The following ANO10 variants were observed in gnomAD, a reference collection of about 807,000 sequenced individuals.
ANO10 encodes the protein anoctamin-10.
A neutral mutation model predicts 74.7 loss-of-function variants in ANO10; 77 were observed. The observed-to-expected ratio is 1.03, with a 90% CI of 0.86 to 1.25. ANO10 has a LOEUF of 1.25. ANO10 is among the 50% of genes most tolerant of loss of function. ANO10 has a pLI of 0.00. For synonymous variants in ANO10, 279 were observed against 284.9 expected (o/e 0.98, Z 0.21); for missense variants, 721 against 778.1 (o/e 0.93, Z 0.87).
At chr3:43,404,102 AAGGAGATTATCCATAGTGG>A (rs2148876429) in intron 12 of ANO10, among the ~76,000 whole-genome samples, 1 of 152,306 alleles carries the variant, frequency 6.6e-6, no homozygotes, top group African/African-American at 2.4e-5. Flanking sequence ...GTTAACCAAA[AAGGAGATTATCCATAGTGG>A]GCCAGACTTA....
intron 8 of ANO10, among the ~76,000 whole-genome samples, chr3:43,562,424 C>A (rs566839097): frequency 7.8e-6 from 1 of 128,770 alleles, no homozygotes; most frequent in Non-Finnish European, 1.5e-5. Flanking sequence ...TGCACTCCAG[C>A]CTGGGCGGCA....
intron 11 of ANO10, among the ~76,000 whole-genome samples, chr3:43,503,610 T>C (rs1441663050): frequency 6.6e-6 from 1 of 152,238 alleles, no homozygotes; most frequent in Non-Finnish European, 1.5e-5. Context: ...AATATCGTTC[T>C]CTTTGTCCTA....
intron 3 of ANO10, among the ~76,000 whole-genome samples, chr3:43,599,476 T>C (rs1011572554): frequency 1.3e-5 from 2 of 152,214 alleles, no homozygotes; most frequent in African/African-American, 2.4e-5. Flanking sequence ...GAACTACTAC[T>C]GTATTTCTTA....
intron 11 of ANO10, among the ~76,000 whole-genome samples, chr3:43,440,223 G>C (rs1367490555): frequency 6.6e-6 from 1 of 151,914 alleles, no homozygotes; most frequent in African/African-American, 2.4e-5. Flanking sequence ...AGTGTAAATG[G>C]GTTAAACTCC....
chr3:43,401,834 C>T (rs1260587734), intron 12 of ANO10, among the ~76,000 whole-genome samples: 1 of 152,198 alleles, frequency 6.6e-6, no homozygotes, highest in African/African-American at 2.4e-5. Context: ...TTTTTAGATC[C>T]ATGTTTAACT....
intron 11 of ANO10, among the ~76,000 whole-genome samples, chr3:43,476,181 A>C (rs571584038): frequency 3.4e-4 from 52 of 152,148 alleles, no homozygotes; most frequent in Non-Finnish European, 5.7e-4. Context: ...TAGCTTATCT[A>C]CTTTCCCCCT....
chr3:43,664,847 A>G (rs2149574580), intron 1 of ANO10, among the ~76,000 whole-genome samples: 2 of 152,336 alleles, frequency 1.3e-5, no homozygotes, highest in African/African-American at 2.4e-5. Flanking sequence ...CACCCCAGTT[A>G]GAATGGCGAT....
intron 11 of ANO10, among the ~76,000 whole-genome samples, chr3:43,490,137 A>C (rs543484658): frequency 8.9e-4 from 135 of 152,322 alleles, no homozygotes; most frequent in African/African-American, 3.1e-3. Context: ...GCTTACGTAA[A>C]GTCACTCAGC....
At chr3:43,486,133 G>A (rs1307664036) in intron 11 of ANO10, among the ~76,000 whole-genome samples, 1 of 152,172 alleles carries the variant, frequency 6.6e-6, no homozygotes, top group Non-Finnish European at 1.5e-5. Context: ...AGATCTGGGA[G>A]AGATTGAGTC....
chr3:43,489,755 T>G (rs1042146688), intron 11 of ANO10, among the ~76,000 whole-genome samples: 2 of 152,200 alleles, frequency 1.3e-5, no homozygotes, highest in Non-Finnish European at 1.5e-5. Context: ...TTTTCTTTTC[T>G]TTGAGCTAGA....
intron 1 of ANO10, chr3:43,691,173 C>A: frequency 1.2e-6 from 1 of 864,698 alleles, no homozygotes; most frequent in South Asian, 3.1e-5. Context: ...CGACCCTCCC[C>A]GGCATGAGTC....
chr3:43,605,952 C>A, intron 1 of ANO10, 89 bp from the exon 2 acceptor site: 1 of 1,442,832 alleles, frequency 6.9e-7, no homozygotes, highest in East Asian at 2.4e-5. Context: ...CCAATTATAC[C>A]TAATTCTGGC....
chr3:43,467,167 C>T (rs2075662458), intron 11 of ANO10, among the ~76,000 whole-genome samples: 1 of 152,152 alleles, frequency 6.6e-6, no homozygotes, highest in South Asian at 2.1e-4. Flanking sequence ...AATGTTAAAA[C>T]CACTCTATAA....
intron 11 of ANO10, among the ~76,000 whole-genome samples, chr3:43,461,008 GA>G (rs775139320): frequency 1.6e-4 from 24 of 150,596 alleles, no homozygotes; most frequent in Non-Finnish European, 3.4e-4. Context: ...AAAAAAACAG[GA>G]AAAAATGAAG....
At chr3:43,671,712 A>T (rs751386419) in intron 1 of ANO10, among the ~76,000 whole-genome samples, 16 of 152,184 alleles carry the variant, frequency 1.1e-4, no homozygotes, top group Non-Finnish European at 2.4e-4. Context: ...TTAAATGTCT[A>T]GTTTTAGGAG....
At chr3:43,487,575 T>A (rs972412340) in intron 11 of ANO10, among the ~76,000 whole-genome samples, 1 of 152,158 alleles carries the variant, frequency 6.6e-6, no homozygotes, top group Non-Finnish European at 1.5e-5. Flanking sequence ...CTTCTAGATT[T>A]TCTAGTTTAT....
intron 2 of ANO10, among the ~76,000 whole-genome samples, chr3:43,601,027 C>T (rs2082316849): frequency 6.6e-6 from 1 of 152,004 alleles, no homozygotes. Context: ...ATGTTAAATA[C>T]TAAATAACAA....
chr3:43,543,817 T>C (rs943089968), intron 11 of ANO10, among the ~76,000 whole-genome samples: 1 of 152,230 alleles, frequency 6.6e-6, no homozygotes, highest in Non-Finnish European at 1.5e-5. Context: ...ACAGGCAGGC[T>C]TGGTGGTCAC....
chr3:43,470,040 A>G (rs1396793981), intron 11 of ANO10, among the ~76,000 whole-genome samples: 2 of 152,268 alleles, frequency 1.3e-5, no homozygotes, highest in Non-Finnish European at 2.9e-5. Context: ...ATTCTACTTT[A>G]TAACAGTTTT....
Sources: gnomAD v4.1 joint callset for allele counts (sites outside exome capture counted in the v4.1 genomes callset) on GRCh38, gnomAD v4.1.1 for gene constraint, MANE v1.5 for transcripts, NCBI Gene and HGNC (gene_info 2026-07-23, HGNC 2026-07-21) for gene names.